Variants in ZNF766 observed in about 807,000 individuals in gnomAD.
ZNF766 encodes zinc finger protein 766.
Under a neutral mutation model 13.2 loss-of-function variants are expected in ZNF766, and 13 were observed. That is an observed-to-expected ratio of 0.98 (90% CI 0.64 to 1.56). The LOEUF (loss-of-function observed/expected upper bound fraction) is 1.56. Among genes scored for constraint, ZNF766 ranks in the 40% most tolerant of loss-of-function variants. ZNF766 has a pLI of 0.00. For synonymous variants in ZNF766, 178 were observed against 187.6 expected (o/e 0.95, Z 0.42); for missense variants, 521 against 552.2 (o/e 0.94, Z 0.57).
At chr19:52,282,327 T>G in intron 2 of ZNF766, 90 bp downstream of exon 2, 1 of 1,437,568 alleles carries the variant, frequency 7.0e-7, no homozygotes, top group Non-Finnish European at 9.3e-7. Context: ...CTGCATTGCT[T>G]GACTGAGATT....
At chr19:52,284,391 A>G in intron 3 of ZNF766, among the ~76,000 whole-genome samples, 1 of 152,166 alleles carries the variant, frequency 6.6e-6, no homozygotes, top group Non-Finnish European at 1.5e-5. Context: ...TGTCTTTTGC[A>G]TCTGGGTCCT....
Position 52,291,230 on chromosome 19 carries a change from T to C in ZNF766, c.*32T>C, listed in dbSNP as rs1306390030. 1 of 1,527,406 alleles carries C rather than the reference T, an allele frequency of 6.5e-7. No individual in the cohort carries two copies. Among genetic ancestry groups the C allele is most frequent in the East Asian group, 2.3e-5 (1 of 44,260 alleles). 94.6% of individuals were successfully genotyped at this position (1,527,406 alleles called of 1,614,324 possible). A position where few individuals can be genotyped will look rare whatever the true frequency, so the allele number is the denominator to read the frequency against. The stretch of plus-strand genomic sequence containing the variant: ...CAAACTCTATCATAAGTTCTAGCAG[T>C]AATCAACATCCGAGAGTCTATACTA... On this transcript the variant is annotated 3_prime_UTR_variant, in exon 4 of 4. Transcript: ENST00000439461.
chr19:52,281,693 G>A, intron 1 of ZNF766: 1 of 427,340 alleles, frequency 2.3e-6, no homozygotes, highest in South Asian at 1.8e-5. Flanking sequence ...TACTTTTAAT[G>A]CTGATCTGTT....
chr19:52,285,233 C>A (rs1041437774), intron 3 of ZNF766, among the ~76,000 whole-genome samples: 3 of 152,196 alleles, frequency 2.0e-5, no homozygotes, highest in African/African-American at 7.2e-5. Context: ...AAGAAGACTT[C>A]TCTGACCAAA....
At chr19:52,288,238 C>G (rs181226662) in intron 3 of ZNF766, 1 of 226,798 alleles carries the variant, frequency 4.4e-6, no homozygotes, top group East Asian at 1.6e-4. Context: ...CCAGGCTGGT[C>G]GCGAACTCCT....
intron 2 of ZNF766, 94 bp downstream of exon 2, chr19:52,282,331 T>C: frequency 7.0e-7 from 1 of 1,431,506 alleles, no homozygotes; most frequent in Non-Finnish European, 9.3e-7. Flanking sequence ...ATTGCTTGAC[T>C]GAGATTGAAA....
chr19:52,282,980 T>G (rs915508012), intron 2 of ZNF766, among the ~76,000 whole-genome samples: 3 of 152,206 alleles, frequency 2.0e-5, no homozygotes, highest in African/African-American at 7.2e-5. Flanking sequence ...GAATGACTTA[T>G]AATCCTTTGA....
rs1982105426 is a variant in ZNF766, at chr19:52,290,850, AC to A, written c.1061del (p.Pro354LeufsTer17). The A allele has an allele frequency of 1.9e-6, 3 of 1,614,154 alleles. No homozygotes were observed. The highest frequency in any genetic ancestry group is 2.5e-6 in the Non-Finnish European group (3 of 1,180,004). On this transcript the variant is annotated frameshift_variant, in exon 4 of 4. Transcript: ENST00000439461. LOFTEE classifies it low-confidence loss of function (END_TRUNC). ...THLLIHTGEK[P>X]YKCKECDKAF... ...ATCTGTTAATCCACACTGGAGAGAA[AC>A]CTTACAAATGTAAAGAATGTGACAA...
chr19:52,290,444 A>G lies in ZNF766; in HGVS notation c.653A>G (p.His218Arg), dbSNP rs368395914. The change falls in exon 4 of 4, where the codon CAT (histidine) becomes CGT (arginine). Residue 218 changes from histidine to arginine, a missense_variant. His to Arg is a conservative substitution (Grantham distance 29, BLOSUM62 0). Transcript: ENST00000439461. ...IHTADKPNRC[H>R]ECGKTVRDKS... The stretch of plus-strand genomic sequence containing the variant: ...ACTGCAGATAAACCTAACAGATGTC[A>G]TGAATGTGGTAAAACCGTCAGGGAC... 7.4e-6 allele frequency: 12 copies of G among 1,613,860 alleles called. No individual in the cohort carries two copies. The African/African-American group carries it at 1.5e-4, about 20-fold the overall frequency.
At chr19:52,282,031 C>A in intron 1 of ZNF766, 80 bp from the exon 2 acceptor site, 1 of 1,531,686 alleles carries the variant, frequency 6.5e-7, no homozygotes, top group Non-Finnish European at 8.9e-7. Flanking sequence ...TTGAGTCAGT[C>A]CTTACAACCC....
intron 1 of ZNF766, among the ~76,000 whole-genome samples, chr19:52,276,978 G>A (rs1413414872): frequency 1.3e-5 from 2 of 152,136 alleles, no homozygotes; most frequent in African/African-American, 2.4e-5. Context: ...GAAGAAAGGG[G>A]CCAAAAGCTC....
chr19:52,283,590 C>G lies in ZNF766; in HGVS notation c.274+177C>G, dbSNP rs559060300. Among the ~76,000 whole-genome samples the G allele has an allele frequency of 2.6e-3, 396 of 152,092 alleles. 4 individuals carry two copies. The highest frequency in any genetic ancestry group is 0.018 in the South Asian group (88 of 4,796). ...AGTGATGTGATTATAGGCATGTGCC[C>G]CTTGCCTACCAGAGCCACACTATTA... On this transcript the variant is annotated intron_variant, in intron 3 of 3. Transcript: ENST00000439461.
At chr19:52,289,566 C>A (rs1982005777) in intron 3 of ZNF766, among the ~76,000 whole-genome samples, 1 of 152,174 alleles carries the variant, frequency 6.6e-6, no homozygotes, top group Non-Finnish European at 1.5e-5. Context: ...CTGTAATCCT[C>A]CTGAGTCCTG....
Position 52,290,123 on chromosome 19 carries a change from G to A in ZNF766, c.332G>A (p.Gly111Glu). 1 of 1,614,106 alleles carries A rather than the reference G, an allele frequency of 6.2e-7. No individual in the cohort carries two copies. Among genetic ancestry groups the A allele is most frequent in the South Asian group, 1.1e-5 (1 of 91,068 alleles). ...AACAAGCCTATTACAAATCAACTTG[G>A]ATTAACCTTTCAGTTACCTCTGCCA... ...AGNKPITNQL[G>E]LTFQLPLPEL... Residue 111 changes from glycine (G) to glutamate (E), a missense_variant, in exon 4 of 4, where the codon GGA becomes GAA. Gly to Glu is a moderately conservative substitution (Grantham distance 98, BLOSUM62 -2). Coordinates refer to ENST00000439461, the MANE Select transcript of ZNF766 (RefSeq NM_001010851.3).
chr19:52,289,251 A>G (rs1407773452), intron 3 of ZNF766, among the ~76,000 whole-genome samples: 4 of 149,004 alleles, frequency 2.7e-5, no homozygotes, highest in Admixed American at 2.7e-4. Context: ...GCCGGGTTCA[A>G]GCAGTTCTCC....
chr19:52,282,131 C>A lies in ZNF766; in HGVS notation c.39C>A (p.Asp13Glu), dbSNP rs767321831. Residue 13 changes from aspartate (D) to glutamate (E), a missense_variant, in exon 2 of 4, where the codon GAC (aspartate) becomes GAA (glutamate). By Grantham distance (45) the Asp-to-Glu change is conservative. Coordinates refer to ENST00000439461, the MANE Select transcript of ZNF766 (RefSeq NM_001010851.3). Reference sequence around the variant, plus strand: ...TTTAGGGACACTTGACATTCAGGGACGTGGCCATAGAATTCTCTCAGGAGG... The same window carrying A: ...TTTAGGGACACTTGACATTCAGGGAAGTGGCCATAGAATTCTCTCAGGAGG... The part of the protein sequence containing the change: ...QLRRGHLTFR[D>E]VAIEFSQEEW... The A allele has an allele frequency of 1.2e-6, 2 of 1,603,910 alleles. No individual in the cohort carries two copies. The highest frequency in any genetic ancestry group is 3.4e-5 in the Admixed American group (2 of 59,622).
rs970141521 is a variant in ZNF766 at position 52,292,084 on chromosome 19, A to G, written c.*886A>G. The G allele has an allele frequency of 1.0e-5, 7 of 696,740 alleles. No individual in the cohort carries two copies. The African/African-American group carries it at 1.1e-4, about 11-fold the overall frequency. The allele number at this position is 696,740 out of a possible 1,614,324, so 43.2% of individuals were successfully genotyped here. ...AGAGCGAGACCCTGTCTCAAAAGAA[A>G]AAAAAGGCTAGTTTTTATGACTTCA... is the stretch of plus-strand genomic sequence containing the variant. On this transcript the variant is annotated 3_prime_UTR_variant, in exon 4 of 4. Transcript: ENST00000439461.
At chr19:52,277,848 A>T (rs545490257) in intron 1 of ZNF766, among the ~76,000 whole-genome samples, 1 of 152,196 alleles carries the variant, frequency 6.6e-6, no homozygotes. Flanking sequence ...TTCAGGGGCC[A>T]CATCTGGATG....
Position 52,295,566 on chromosome 19 carries a change from A to T in ZNF766, c.*4368A>T, listed in dbSNP as rs1389455137. On this transcript the variant is annotated 3_prime_UTR_variant, in exon 4 of 4. Coordinates refer to ENST00000439461, the MANE Select transcript of ZNF766 (RefSeq NM_001010851.3). ...ACACAAAAATGAGACTGTTGTTTGGAGACAATATTTTTTGACAAGAGTATG... is the reference window on the plus strand; with the variant it reads ...ACACAAAAATGAGACTGTTGTTTGGTGACAATATTTTTTGACAAGAGTATG... 6.6e-6 allele frequency: 1 copy of T among 152,176 alleles called. No homozygotes were observed. The highest frequency in any genetic ancestry group is 1.5e-5 in the Non-Finnish European group (1 of 68,048). The allele number at this position is 152,176 out of a possible 1,614,324, so 9.4% of individuals were successfully genotyped here. A position where few individuals can be genotyped will look rare whatever the true frequency, so the allele number is the denominator to read the frequency against.
Sources: gnomAD v4.1 joint callset for allele counts (sites outside exome capture counted in the v4.1 genomes callset) on GRCh38, gnomAD v4.1.1 for gene constraint, MANE v1.5 for transcripts, NCBI Gene and HGNC (gene_info 2026-07-23, HGNC 2026-07-21) for gene names.